The following ATG10 variants were observed in gnomAD, a reference collection of about 807,000 sequenced individuals.
ATG10 encodes the protein autophagy related 10.
ATG10 carries 30 observed loss-of-function variants against 32.1 expected under a neutral mutation model. The ratio of observed to expected loss-of-function variants is 0.94; its 90% CI spans 0.70 to 1.27. The LOEUF (loss-of-function observed/expected upper bound fraction) is 1.27. Ranked by LOEUF, ATG10 falls within the 50% of genes most tolerant of loss-of-function variation. The probability of loss-of-function intolerance (pLI) is 0.00; values close to 1 mark genes in which losing one functional copy is unlikely to be tolerated. For synonymous variants in ATG10, 87 were observed against 91.5 expected, an observed-to-expected ratio of 0.95 and a Z score of 0.28; for missense variants, 233 against 262.3, an observed-to-expected ratio of 0.89 and a Z score of 0.77.
intron 1 of ATG10, among the ~76,000 whole-genome samples, chr5:81,986,110 G>A (rs761290932): frequency 5.9e-5 from 9 of 151,984 alleles, no homozygotes; most frequent in Middle Eastern, 3.2e-3. Context: ...GGGTTTCACC[G>A]TGTTAGCCAG....
At chr5:82,076,705 A>G (rs916847436) in intron 3 of ATG10, among the ~76,000 whole-genome samples, 1 of 152,222 alleles carries the variant, frequency 6.6e-6, no homozygotes, top group Non-Finnish European at 1.5e-5. Flanking sequence ...GTGATATACT[A>G]GAAGTCAGAT....
intron 3 of ATG10, chr5:82,147,532 C>T (rs1167194720): frequency 6.6e-6 from 1 of 152,142 alleles, no homozygotes; most frequent in Non-Finnish European, 1.5e-5. Context: ...TTTTTGCAAT[C>T]AATAGCTTAG....
At chr5:82,054,195 A>G (rs1170902610) in intron 2 of ATG10, among the ~76,000 whole-genome samples, 1 of 152,082 alleles carries the variant, frequency 6.6e-6, no homozygotes, top group Non-Finnish European at 1.5e-5. Flanking sequence ...ACAGTTTGAA[A>G]ACTCCACAGG....
intron 5 of ATG10, among the ~76,000 whole-genome samples, chr5:82,204,233 C>T (rs1745195094): frequency 6.6e-6 from 1 of 152,142 alleles, no homozygotes; most frequent in East Asian, 1.9e-4. Flanking sequence ...ACTTTAACCT[C>T]ATATTTTGCT....
At chr5:82,158,750 A>G (rs968414677) in intron 3 of ATG10, among the ~76,000 whole-genome samples, 10 of 152,074 alleles carry the variant, frequency 6.6e-5, no homozygotes, top group Admixed American at 1.3e-4. Flanking sequence ...ATATTAACTA[A>G]CTCAAAGTGT....
At chr5:82,096,258 T>C (rs1581686024) in intron 3 of ATG10, among the ~76,000 whole-genome samples, 1 of 152,216 alleles carries the variant, frequency 6.6e-6, no homozygotes, top group Admixed American at 6.5e-5. Flanking sequence ...TTGTCTATTT[T>C]GTCAGATGAT....
At chr5:82,130,168 C>T (rs893720066) in intron 3 of ATG10, among the ~76,000 whole-genome samples, 36 of 152,140 alleles carry the variant, frequency 2.4e-4, no homozygotes, top group Admixed American at 2.2e-3. Flanking sequence ...CTACTGAAGC[C>T]TCAGTAATGG....
chr5:82,051,476 A>G (rs895864668), intron 2 of ATG10, among the ~76,000 whole-genome samples: 6 of 152,208 alleles, frequency 3.9e-5, no homozygotes, highest in African/African-American at 1.4e-4. Flanking sequence ...TTCTTTATCA[A>G]AGATGAAATG....
intron 2 of ATG10, among the ~76,000 whole-genome samples, chr5:82,018,031 C>T (rs1457875144): frequency 6.6e-6 from 1 of 152,150 alleles, no homozygotes. Flanking sequence ...GCTAATTACT[C>T]CTAAATGTAT....
At chr5:82,226,091 T>C (rs1746120353) in intron 5 of ATG10, among the ~76,000 whole-genome samples, 1 of 152,208 alleles carries the variant, frequency 6.6e-6, no homozygotes, top group Non-Finnish European at 1.5e-5. Context: ...TCTTTACTGG[T>C]TTTTATAACA....
chr5:82,245,196 A>G (rs1434164933), intron 5 of ATG10, among the ~76,000 whole-genome samples: 1 of 152,224 alleles, frequency 6.6e-6, no homozygotes, highest in East Asian at 1.9e-4. Flanking sequence ...GATTTTTTAA[A>G]AAACTCTAAC....
At chr5:82,169,855 CAG>C (rs1743734592) in intron 4 of ATG10, among the ~76,000 whole-genome samples, 1 of 152,046 alleles carries the variant, frequency 6.6e-6, no homozygotes, top group Admixed American at 6.5e-5. Context: ...GTCCAAATAA[CAG>C]AGGAAATCTA....
At chr5:82,174,837 A>G (rs1743947662) in intron 4 of ATG10, among the ~76,000 whole-genome samples, 1 of 152,230 alleles carries the variant, frequency 6.6e-6, no homozygotes, top group Non-Finnish European at 1.5e-5. Flanking sequence ...TGCCAAACAC[A>G]GAACTTCAAT....
chr5:82,030,723 A>G (rs1375994541), intron 2 of ATG10, among the ~76,000 whole-genome samples: 4 of 152,202 alleles, frequency 2.6e-5, no homozygotes, highest in African/African-American at 9.7e-5. Context: ...CTTTTCCTGC[A>G]AGTATAACAA....
At chr5:81,993,413 C>CTTTTCTTTTCTTTTA (rs1561244427) in intron 2 of ATG10, among the ~76,000 whole-genome samples, 1 of 106,720 alleles carries the variant, frequency 9.4e-6, no homozygotes, top group African/African-American at 3.9e-5. Context: ...CTTTTCTTTT[C>CTTTTCTTTTCTTTTA]TTTTCTTTTC....
intron 2 of ATG10, among the ~76,000 whole-genome samples, chr5:82,032,173 G>A (rs1318104554): frequency 6.6e-6 from 1 of 152,220 alleles, no homozygotes; most frequent in Non-Finnish European, 1.5e-5. Flanking sequence ...AACGTGTAAG[G>A]AGATGATGGT....
chr5:82,195,166 G>C (rs1744804971), intron 5 of ATG10, among the ~76,000 whole-genome samples: 1 of 152,116 alleles, frequency 6.6e-6, no homozygotes, highest in South Asian at 2.1e-4. Context: ...GCACAAGCCT[G>C]AGCTCTCTCT....
chr5:82,101,614 A>T (rs550933912), intron 3 of ATG10, among the ~76,000 whole-genome samples: 4 of 152,188 alleles, frequency 2.6e-5, no homozygotes, highest in Non-Finnish European at 5.9e-5. Context: ...AGTTAAAAAG[A>T]GTTACATTTT....
At chr5:81,995,950 G>T (rs1260573624) in intron 2 of ATG10, among the ~76,000 whole-genome samples, 3 of 152,162 alleles carry the variant, frequency 2.0e-5, no homozygotes, top group Non-Finnish European at 4.4e-5. Context: ...AATTACAGAA[G>T]TTGTTTTCAT....
Sources: gnomAD v4.1 joint callset for allele counts (sites outside exome capture counted in the v4.1 genomes callset) on GRCh38, gnomAD v4.1.1 for gene constraint, MANE v1.5 for transcripts, NCBI Gene and HGNC (gene_info 2026-07-23, HGNC 2026-07-21) for gene names.